Variants in MAN2A1 observed in about 807,000 individuals in gnomAD.
The protein encoded by MAN2A1 is mannosidase alpha class 2A member 1, also known as alpha-mannosidase 2.
In MAN2A1, 76 loss-of-function variants were observed where a neutral mutation model predicts 142.6. The ratio of observed to expected loss-of-function variants is 0.53; its 90% CI spans 0.44 to 0.65. The LOEUF (loss-of-function observed/expected upper bound fraction) is 0.65, where lower values mean the gene tolerates loss of function less well. MAN2A1 is among the 30% of genes least tolerant of loss of function. MAN2A1 has a pLI of 0.00. For missense variants in MAN2A1, 1,311 were observed against 1,365.1 expected (o/e 0.96, Z 0.62); for synonymous variants, 559 against 473.2 (o/e 1.18, Z -2.35).
At chr5:109,831,267 A>G (rs1244994634) in intron 16 of MAN2A1, among the ~76,000 whole-genome samples, 3 of 152,226 alleles carry the variant, frequency 2.0e-5, no homozygotes, top group African/African-American at 4.8e-5. Flanking sequence ...TGTTGTATCT[A>G]CTTACAAGAG....
intron 17 of MAN2A1, among the ~76,000 whole-genome samples, chr5:109,842,805 G>GTTTTTTTTTTTTTTTT (rs1561539636): frequency 2.0e-5 from 2 of 102,316 alleles, no homozygotes; most frequent in South Asian, 4.3e-4. Context: ...ATACTTATTG[G>GTTTTTTTTTTTTTTTT]GTTTTTTTTT....
rs566021777 is a variant in MAN2A1 at position 109,839,682 on chromosome 5, G to A, written c.2567-2646G>A. ...TTTTTTTTTTTTTAAATAACATTCCGCATTTCCTCACCCATGGAGATGGTA... is the reference window on the plus strand; with the variant it reads ...TTTTTTTTTTTTTAAATAACATTCCACATTTCCTCACCCATGGAGATGGTA... On this transcript the variant is annotated intron_variant, in intron 16 of 21. Transcript: ENST00000261483. Among the ~76,000 whole-genome samples the A allele has an allele frequency of 5.1e-4, 68 of 134,442 alleles. 1 individual carries two copies. Among genetic ancestry groups the A allele is most frequent in the Middle Eastern group, 8.3e-3 (2 of 242 alleles). 88.2% of individuals were successfully genotyped at this position (134,442 alleles called of 152,430 possible). A position where few individuals can be genotyped will look rare whatever the true frequency, so the allele number is the denominator to read the frequency against.
At chr5:109,745,642 A>T (rs1315275259) in intron 4 of MAN2A1, among the ~76,000 whole-genome samples, 1 of 152,182 alleles carries the variant, frequency 6.6e-6, no homozygotes, top group Non-Finnish European at 1.5e-5. Context: ...TTAATTTTAG[A>T]GACAGGGTCT....
chr5:109,706,271 G>A (rs528276385), intron 1 of MAN2A1, among the ~76,000 whole-genome samples: 129 of 152,252 alleles, frequency 8.5e-4, no homozygotes, highest in Middle Eastern at 3.4e-3. Context: ...AATTTTGGTT[G>A]GCTTCAGAGT....
intron 1 of MAN2A1, among the ~76,000 whole-genome samples, chr5:109,702,862 C>T (rs1751029013): frequency 6.6e-6 from 1 of 152,062 alleles, no homozygotes; most frequent in South Asian, 2.1e-4. Context: ...CCAGTTGTTA[C>T]AGATGGATTT....
chr5:109,825,629 A>G (rs536497430), intron 16 of MAN2A1, among the ~76,000 whole-genome samples: 1 of 152,252 alleles, frequency 6.6e-6, no homozygotes, highest in South Asian at 2.1e-4. Flanking sequence ...GGAAATTAAT[A>G]GGCTCTGACT....
At chr5:109,739,437 C>T (rs551604692) in intron 4 of MAN2A1, among the ~76,000 whole-genome samples, 30 of 152,160 alleles carry the variant, frequency 2.0e-4, no homozygotes, top group African/African-American at 5.1e-4. Context: ...CTCTCTTTTT[C>T]ATATGCATTT....
chr5:109,783,075 G>T (rs1429485954), intron 9 of MAN2A1, among the ~76,000 whole-genome samples: 2 of 152,000 alleles, frequency 1.3e-5, no homozygotes, highest in Non-Finnish European at 2.9e-5. Context: ...TATAAAGTGG[G>T]TTATATTCTC....
chr5:109,840,119 C>T (rs1421526287), intron 16 of MAN2A1: 1 of 184,420 alleles, frequency 5.4e-6, no homozygotes, highest in African/African-American at 2.4e-5. Context: ...GAACAAGTAG[C>T]CAGAAATCAT....
At chr5:109,757,744 T>C (rs190045968) in intron 5 of MAN2A1, among the ~76,000 whole-genome samples, 2 of 152,284 alleles carry the variant, frequency 1.3e-5, no homozygotes, top group Non-Finnish European at 2.9e-5. Context: ...CACTAGTCTT[T>C]CTGTATATAT....
chr5:109,793,895 T>C (rs1753796840), intron 12 of MAN2A1, among the ~76,000 whole-genome samples: 1 of 152,208 alleles, frequency 6.6e-6, no homozygotes, highest in Non-Finnish European at 1.5e-5. Context: ...CATTTTGTAT[T>C]TTTAATATTG....
chr5:109,792,100 G>A (rs10075520), intron 12 of MAN2A1, among the ~76,000 whole-genome samples: 4,410 of 152,074 alleles, frequency 0.029, 192 homozygotes, highest in African/African-American at 0.098. Context: ...CTCCCATAAC[G>A]CATTGCCATT....
intron 20 of MAN2A1, chr5:109,863,644 G>C (rs142722345): frequency 9.1e-4 from 138 of 152,326 alleles, no homozygotes; most frequent in African/African-American, 3.0e-3. Context: ...AGATATTTAG[G>C]AAGAAGAAAT....
intron 5 of MAN2A1, among the ~76,000 whole-genome samples, chr5:109,757,355 T>G (rs1752715935): frequency 6.6e-6 from 1 of 152,190 alleles, no homozygotes; most frequent in Non-Finnish European, 1.5e-5. Context: ...AAATCTTAAA[T>G]GTAGAGGTCA....
chr5:109,813,180 AAATAT>A (rs1580278274), intron 12 of MAN2A1, among the ~76,000 whole-genome samples: 3 of 152,296 alleles, frequency 2.0e-5, no homozygotes, highest in East Asian at 3.9e-4. Flanking sequence ...TTTCTTTCAC[AAATAT>A]AATATACTTG....
intron 1 of MAN2A1, among the ~76,000 whole-genome samples, chr5:109,700,431 T>A (rs1281162415): frequency 6.6e-6 from 1 of 152,160 alleles, no homozygotes; most frequent in Non-Finnish European, 1.5e-5. Flanking sequence ...TTTGCAGCAG[T>A]TCCCTTCTGT....
chr5:109,708,508 G>GAACACACACACACACACACA (rs1751202632), intron 1 of MAN2A1, among the ~76,000 whole-genome samples: 1 of 35,328 alleles, frequency 2.8e-5, no homozygotes, highest in African/African-American at 2.5e-4. Flanking sequence ...AGAACTGATA[G>GAACACACACACACACACACA]GACACACACA....
At position 109,842,441 on chromosome 5, in the gene MAN2A1, A is replaced by G. The variant is rs779604606; in HGVS notation, c.2680A>G (p.Thr894Ala). ...SDIKSQNRFY[T>A]DLNGYQIQPR... The stretch of plus-strand genomic sequence containing the variant: ...TATAAAAAGCCAAAATAGATTTTAT[A>G]CTGACCTAAATGGGTACCAGGTAAT... Residue 894 changes from threonine (T) to alanine (A), a missense_variant, in exon 17 of 22, where the codon ACT (threonine) becomes GCT (alanine). Physicochemically the swap from Thr to Ala is moderately conservative, Grantham distance 58. Transcript: ENST00000261483. 3.2e-6 allele frequency: 5 copies of G among 1,575,234 alleles called. No individual in the cohort carries two copies. The highest frequency in any genetic ancestry group is 1.4e-5 in the African/African-American group (1 of 73,878).
intron 4 of MAN2A1, 58 bp downstream of exon 4, chr5:109,729,571 C>A: frequency 1.1e-6 from 1 of 882,608 alleles, no homozygotes; most frequent in Non-Finnish European, 1.6e-6. Context: ...GTACAATGAA[C>A]TAAGTATTGA....
Sources: gnomAD v4.1 joint callset for allele counts (sites outside exome capture counted in the v4.1 genomes callset) on GRCh38, gnomAD v4.1.1 for gene constraint, MANE v1.5 for transcripts, NCBI Gene and HGNC (gene_info 2026-07-23, HGNC 2026-07-21) for gene names.